The following GALNTL6 variants were observed in gnomAD, a reference collection of about 807,000 sequenced individuals.
GALNTL6 encodes polypeptide N-acetylgalactosaminyltransferase like 6, also known as polypeptide N-acetylgalactosaminyltransferase-like 6.
GALNTL6 carries 46 observed loss-of-function variants against 73.7 expected under a neutral mutation model. The ratio of observed to expected loss-of-function variants is 0.62; its 90% confidence interval spans 0.49 to 0.80. GALNTL6 has a LOEUF of 0.80. GALNTL6 is among the 30% of genes least tolerant of loss of function. The pLI is 0.00. For synonymous variants in GALNTL6, 259 were observed against 263.7 expected, an observed-to-expected ratio of 0.98 and a Z score of 0.17; for missense variants, 604 against 755.0, an observed-to-expected ratio of 0.80 and a Z score of 2.34.
intron 2 of GALNTL6, among the ~76,000 whole-genome samples, chr4:172,021,622 C>A (rs1198497188): frequency 6.6e-6 from 1 of 152,006 alleles, no homozygotes; most frequent in Non-Finnish European, 1.5e-5. Context: ...CATAAAGACT[C>A]AGAATAGCCA....
At chr4:172,672,045 C>T (rs1301148572) in intron 5 of GALNTL6, among the ~76,000 whole-genome samples, 1 of 152,100 alleles carries the variant, frequency 6.6e-6, no homozygotes, top group Non-Finnish European at 1.5e-5. Flanking sequence ...CATGCACCAC[C>T]AGGCCTGGCT....
At chr4:172,700,930 G>A (rs745973203) in intron 5 of GALNTL6, among the ~76,000 whole-genome samples, 2 of 151,984 alleles carry the variant, frequency 1.3e-5, no homozygotes, top group Non-Finnish European at 2.9e-5. Flanking sequence ...TGTTAACCCC[G>A]TTTATTTCCC....
At chr4:172,871,247 T>C (rs1744914504) in intron 7 of GALNTL6, among the ~76,000 whole-genome samples, 1 of 152,114 alleles carries the variant, frequency 6.6e-6, no homozygotes, top group Non-Finnish European at 1.5e-5. Flanking sequence ...AAAATAAAGC[T>C]TTTATTTTAT....
chr4:171,856,029 T>C (rs1735681507), intron 2 of GALNTL6, among the ~76,000 whole-genome samples: 1 of 152,200 alleles, frequency 6.6e-6, no homozygotes, highest in African/African-American at 2.4e-5. Flanking sequence ...ATTTTGCAAA[T>C]AATTTTTCCC....
chr4:172,880,319 C>T (rs1309489605), intron 7 of GALNTL6, among the ~76,000 whole-genome samples: 1 of 151,920 alleles, frequency 6.6e-6, no homozygotes, highest in Non-Finnish European at 1.5e-5. Flanking sequence ...TACTACTCTG[C>T]AATTTAAAAA....
chr4:172,409,397 T>C (rs973174502), intron 5 of GALNTL6, among the ~76,000 whole-genome samples: 1 of 152,024 alleles, frequency 6.6e-6, no homozygotes, highest in African/African-American at 2.4e-5. Context: ...TATTGACTAA[T>C]CAAATATCTA....
intron 5 of GALNTL6, among the ~76,000 whole-genome samples, chr4:172,720,374 TTC>T (rs1735393981): frequency 6.6e-6 from 1 of 152,128 alleles, no homozygotes; most frequent in Non-Finnish European, 1.5e-5. Context: ...AAATCCCACG[TTC>T]CACACAGGAA....
At chr4:172,102,075 A>C (rs968159583) in intron 2 of GALNTL6, among the ~76,000 whole-genome samples, 4 of 152,204 alleles carry the variant, frequency 2.6e-5, no homozygotes, top group Non-Finnish European at 4.4e-5. Context: ...TGACTTTGGA[A>C]AATATTAATG....
At chr4:172,210,843 C>T (rs748015601) in intron 2 of GALNTL6, among the ~76,000 whole-genome samples, 4 of 152,100 alleles carry the variant, frequency 2.6e-5, no homozygotes, top group African/African-American at 9.7e-5. Flanking sequence ...GGTCTTTTCC[C>T]ACTTTATTTA....
intron 2 of GALNTL6, among the ~76,000 whole-genome samples, chr4:172,000,239 C>A (rs1740630982): frequency 6.6e-6 from 1 of 152,180 alleles, no homozygotes; most frequent in Admixed American, 6.5e-5. Flanking sequence ...ACAATTATGA[C>A]TAATGAGGTC....
At chr4:172,533,223 G>A (rs1402328154) in intron 5 of GALNTL6, among the ~76,000 whole-genome samples, 1 of 151,188 alleles carries the variant, frequency 6.6e-6, no homozygotes, top group East Asian at 1.9e-4. Context: ...ATGTTGGCCA[G>A]GCTGGTCTTG....
chr4:172,903,838 T>C (rs535211877), intron 8 of GALNTL6, among the ~76,000 whole-genome samples: 71 of 152,312 alleles, frequency 4.7e-4, no homozygotes, highest in African/African-American at 1.7e-3. Context: ...ACATCTATTT[T>C]TTTCAACTTT....
intron 2 of GALNTL6, among the ~76,000 whole-genome samples, chr4:171,870,184 A>T (rs1736099242): frequency 1.3e-5 from 2 of 152,232 alleles, no homozygotes; most frequent in African/African-American, 2.4e-5. Context: ...CTAAGATTAT[A>T]TTCTGCAGTT....
chr4:172,863,985 CTGA>C (rs1165152328), intron 7 of GALNTL6, among the ~76,000 whole-genome samples: 1 of 152,156 alleles, frequency 6.6e-6, no homozygotes, highest in Non-Finnish European at 1.5e-5. Flanking sequence ...CTCATGAGAT[CTGA>C]TGGTTTTATA....
At chr4:172,279,952 T>C (rs1738982395) in intron 3 of GALNTL6, among the ~76,000 whole-genome samples, 1 of 152,196 alleles carries the variant, frequency 6.6e-6, no homozygotes, top group Non-Finnish European at 1.5e-5. Context: ...TTGAGTATAT[T>C]TTGCTAAGTG....
intron 6 of GALNTL6, among the ~76,000 whole-genome samples, chr4:172,813,002 G>A (rs1579514953): frequency 6.6e-6 from 1 of 152,244 alleles, no homozygotes; most frequent in East Asian, 1.9e-4. Context: ...ATAGGACTTG[G>A]AAAAATCTCT....
chr4:172,433,705 T>A (rs1177410682), intron 5 of GALNTL6, among the ~76,000 whole-genome samples: 2 of 148,098 alleles, frequency 1.4e-5, no homozygotes, highest in African/African-American at 4.9e-5. Context: ...CAGTGATTTT[T>A]TTTTTCTCCA....
chr4:171,870,364 TC>T (rs773597616), intron 2 of GALNTL6, among the ~76,000 whole-genome samples: 1 of 152,148 alleles, frequency 6.6e-6, no homozygotes, highest in Non-Finnish European at 1.5e-5. Context: ...AGAGGCCTCT[TC>T]CAGACGTTGA....
intron 5 of GALNTL6, among the ~76,000 whole-genome samples, chr4:172,785,399 A>G (rs756453073): frequency 1.3e-5 from 2 of 152,204 alleles, no homozygotes; most frequent in African/African-American, 4.8e-5. Flanking sequence ...CAAAAGGAAG[A>G]TAATGATTTT....
Sources: allele counts gnomAD v4.1 joint callset (sites outside exome capture counted in the v4.1 genomes callset), GRCh38; gene constraint gnomAD v4.1.1; transcripts MANE v1.5; gene names NCBI Gene and HGNC (gene_info 2026-07-23, HGNC 2026-07-21).